The following LRRTM4 variants were observed in gnomAD, a reference collection of about 807,000 sequenced individuals.
LRRTM4 encodes leucine-rich repeat transmembrane neuronal protein 4.
In LRRTM4, 25 loss-of-function variants were observed where a neutral mutation model predicts 47.6. That is an observed-to-expected ratio of 0.53 (90% CI 0.38 to 0.73). LRRTM4 has a LOEUF of 0.73. Among genes scored for constraint, LRRTM4 ranks in the 30% least tolerant of loss-of-function variants. LRRTM4 has a pLI of 0.00. For synonymous variants in LRRTM4, 311 were observed against 269.5 expected, an observed-to-expected ratio of 1.15 and a Z score of -1.51; for missense variants, 638 against 713.4, an observed-to-expected ratio of 0.89 and a Z score of 1.20.
chr2:77,006,087 A>C (rs1421633760), intron 3 of LRRTM4, among the ~76,000 whole-genome samples: 1 of 152,104 alleles, frequency 6.6e-6, no homozygotes, highest in Non-Finnish European at 1.5e-5. Context: ...CCCCAAAATG[A>C]TATATATTTA....
At position 76,941,132 on chromosome 2, in the gene LRRTM4, A is replaced by G. The variant is rs567937039; in HGVS notation, c.1552-192216T>C. ...TAAAGAAGAAGGTAAAGTAAAATAT[A>G]TGTAAAATATTATTTCAGAAGTAAG... is the stretch of plus-strand genomic sequence containing the variant. On this transcript the variant is annotated intron_variant, in intron 3 of 3. Coordinates refer to ENST00000409884, the MANE Select transcript of LRRTM4 (RefSeq NM_001134745.3). Among the ~76,000 whole-genome samples the G allele has an allele frequency of 4.6e-5, 7 of 152,322 alleles. No individual in the cohort carries two copies. The South Asian group carries it at 1.2e-3, about 27-fold the overall frequency.
At chr2:77,403,964 G>T (rs920216633) in intron 3 of LRRTM4, among the ~76,000 whole-genome samples, 1 of 151,434 alleles carries the variant, frequency 6.6e-6, no homozygotes, top group African/African-American at 2.4e-5. Context: ...ACCATTTAAA[G>T]AATCATTTAA....
chr2:77,253,242 A>G (rs1416370774), intron 3 of LRRTM4, among the ~76,000 whole-genome samples: 1 of 152,180 alleles, frequency 6.6e-6, no homozygotes, highest in Non-Finnish European at 1.5e-5. Context: ...TGAAAATGGG[A>G]GGATCCCATA....
intron 3 of LRRTM4, among the ~76,000 whole-genome samples, chr2:77,349,784 A>AAT (rs1279250025): frequency 6.6e-6 from 1 of 152,156 alleles, no homozygotes. Context: ...CATATATGAA[A>AAT]ATGTTATGAA....
chr2:77,321,724 A>G (rs1180076893), intron 3 of LRRTM4, among the ~76,000 whole-genome samples: 2 of 152,138 alleles, frequency 1.3e-5, no homozygotes, highest in Non-Finnish European at 2.9e-5. Context: ...TTAGCAGGAA[A>G]GGAGTGATGA....
chr2:77,080,970 C>T (rs1445579993), intron 3 of LRRTM4, among the ~76,000 whole-genome samples: 1 of 152,156 alleles, frequency 6.6e-6, no homozygotes, highest in Non-Finnish European at 1.5e-5. Context: ...CACTTCCCAA[C>T]CAATTCCCAC....
intron 3 of LRRTM4, among the ~76,000 whole-genome samples, chr2:77,477,516 C>T (rs1009619691): frequency 6.6e-6 from 1 of 151,934 alleles, no homozygotes; most frequent in Non-Finnish European, 1.5e-5. Context: ...TTGCTATATA[C>T]TATTTGAAAG....
At chr2:77,164,768 G>C (rs977390323) in intron 3 of LRRTM4, among the ~76,000 whole-genome samples, 1 of 152,124 alleles carries the variant, frequency 6.6e-6, no homozygotes, top group Non-Finnish European at 1.5e-5. Context: ...AAACCAGTGA[G>C]AACAAAGACA....
intron 3 of LRRTM4, among the ~76,000 whole-genome samples, chr2:77,307,647 T>TAATATA (rs1558680329): frequency 4.0e-5 from 2 of 50,510 alleles, no homozygotes; most frequent in African/African-American, 3.9e-4. Flanking sequence ...TATAGATATA[T>TAATATA]CTATATATTA....
chr2:77,243,078 C>A (rs1490322336), intron 3 of LRRTM4, among the ~76,000 whole-genome samples: 5 of 152,036 alleles, frequency 3.3e-5, no homozygotes, highest in African/African-American at 1.2e-4. Flanking sequence ...CATGGATTAA[C>A]CTTGAGGAAA....
At chr2:76,908,116 C>T (rs1221195872) in intron 3 of LRRTM4, among the ~76,000 whole-genome samples, 10 of 150,862 alleles carry the variant, frequency 6.6e-5, no homozygotes, top group African/African-American at 1.5e-4. Context: ...CAAACCGAAT[C>T]CAGCAGCACA....
At chr2:77,123,946 T>C (rs938099843) in intron 3 of LRRTM4, among the ~76,000 whole-genome samples, 1 of 151,880 alleles carries the variant, frequency 6.6e-6, no homozygotes, top group East Asian at 1.9e-4. Context: ...GGTTAGACAG[T>C]GGAAATAAGG....
chr2:77,226,811 T>G (rs1674826634), intron 3 of LRRTM4, among the ~76,000 whole-genome samples: 1 of 151,928 alleles, frequency 6.6e-6, no homozygotes, highest in African/African-American at 2.4e-5. Context: ...ATAGATGTTT[T>G]GCAGAGGCAT....
intron 3 of LRRTM4, among the ~76,000 whole-genome samples, chr2:77,442,223 T>C (rs1195868550): frequency 1.3e-5 from 2 of 152,168 alleles, no homozygotes. Flanking sequence ...TTTGTCAAGG[T>C]ACACATCATT....
intron 3 of LRRTM4, among the ~76,000 whole-genome samples, chr2:77,220,762 C>T (rs1674598504): frequency 6.6e-6 from 1 of 152,154 alleles, no homozygotes; most frequent in African/African-American, 2.4e-5. Context: ...GAGAATGGAA[C>T]CAAGTTGGAA....
intron 3 of LRRTM4, among the ~76,000 whole-genome samples, chr2:77,271,682 C>T (rs375229067): frequency 7.2e-4 from 110 of 152,308 alleles, no homozygotes; most frequent in African/African-American, 2.5e-3. Context: ...CTCTAATTAA[C>T]TTTCCAGGCT....
At chr2:76,809,187 T>G (rs1670652988) in intron 3 of LRRTM4, among the ~76,000 whole-genome samples, 1 of 152,200 alleles carries the variant, frequency 6.6e-6, no homozygotes, top group Non-Finnish European at 1.5e-5. Flanking sequence ...ATAAATAACA[T>G]TAACATCCTT....
chr2:77,175,903 C>G (rs142981183), intron 3 of LRRTM4, among the ~76,000 whole-genome samples: 1,897 of 151,956 alleles, frequency 0.012, 40 homozygotes, highest in African/African-American at 0.044. Context: ...AAGTGATCTG[C>G]CTGCCTCAGT....
chr2:77,161,832 G>A (rs1018560864), intron 3 of LRRTM4, among the ~76,000 whole-genome samples: 1 of 152,024 alleles, frequency 6.6e-6, no homozygotes, highest in Non-Finnish European at 1.5e-5. Context: ...CAATGCAAAT[G>A]ATTAAAACTC....
Sources: allele counts gnomAD v4.1 joint callset (sites outside exome capture counted in the v4.1 genomes callset), GRCh38; gene constraint gnomAD v4.1.1; transcripts MANE v1.5; gene names NCBI Gene and HGNC (gene_info 2026-07-23, HGNC 2026-07-21).